Variants in UST observed in about 807,000 individuals in gnomAD.
UST encodes the protein uronyl 2-sulfotransferase.
A neutral mutation model predicts 45.6 loss-of-function variants in UST; 21 were observed. The observed-to-expected ratio is 0.46, with a 90% CI of 0.33 to 0.66. The LOEUF is 0.66. UST is among the 30% of genes least tolerant of loss of function. UST has a pLI of 0.02. For synonymous variants in UST, 215 were observed against 200.6 expected, an observed-to-expected ratio of 1.07 and a Z score of -0.61; for missense variants, 463 against 512.4, an observed-to-expected ratio of 0.90 and a Z score of 0.93.
At chr6:148,880,900 G>T (rs1778811776) in intron 1 of UST, among the ~76,000 whole-genome samples, 1 of 151,900 alleles carries the variant, frequency 6.6e-6, no homozygotes, top group African/African-American at 2.4e-5. Flanking sequence ...GTGGTGGTGG[G>T]CGCCTGTAAT....
intron 5 of UST, 140 bp from the exon 6 acceptor site, chr6:149,018,999 C>T (rs1245032094): frequency 1.4e-6 from 1 of 721,640 alleles, no homozygotes; most frequent in African/African-American, 1.8e-5. Context: ...AATAAGTTTT[C>T]TCATGAAATC....
chr6:148,883,646 A>G (rs1778862410), intron 1 of UST, among the ~76,000 whole-genome samples: 1 of 152,216 alleles, frequency 6.6e-6, no homozygotes, highest in Non-Finnish European at 1.5e-5. Context: ...CCTGGATACC[A>G]TCATTCTCTT....
At chr6:148,928,210 C>G (rs193209186) in intron 2 of UST, among the ~76,000 whole-genome samples, 3 of 152,288 alleles carry the variant, frequency 2.0e-5, no homozygotes, top group Admixed American at 2.0e-4. Flanking sequence ...GGCTCTTGCC[C>G]TCATTTTAAA....
intron 1 of UST, among the ~76,000 whole-genome samples, chr6:148,852,029 T>C (rs982862410): frequency 6.6e-6 from 1 of 152,228 alleles, no homozygotes. Context: ...CCGAGGATGA[T>C]GTCTGGGTAC....
chr6:148,806,732 T>C (rs1034576831), intron 1 of UST, among the ~76,000 whole-genome samples: 2 of 152,126 alleles, frequency 1.3e-5, no homozygotes, highest in Non-Finnish European at 2.9e-5. Flanking sequence ...AAGTCCGAGA[T>C]TGTGGGGCTG....
intron 3 of UST, among the ~76,000 whole-genome samples, chr6:148,945,284 A>G (rs1205619928): frequency 6.6e-6 from 1 of 152,208 alleles, no homozygotes; most frequent in Non-Finnish European, 1.5e-5. Flanking sequence ...CTTTCCAAAT[A>G]CATTGTAATG....
intron 1 of UST, among the ~76,000 whole-genome samples, chr6:148,749,485 C>A (rs1404895654): frequency 6.6e-6 from 1 of 152,112 alleles, no homozygotes; most frequent in South Asian, 2.1e-4. Flanking sequence ...CTCAAAGCAC[C>A]TGGCCTCGTG....
chr6:148,797,293 A>G (rs1395541109), intron 1 of UST, among the ~76,000 whole-genome samples: 2 of 152,194 alleles, frequency 1.3e-5, no homozygotes. Context: ...TGAACGAACA[A>G]AAACCAAACA....
chr6:148,983,214 A>G (rs1001450948), intron 5 of UST, among the ~76,000 whole-genome samples: 1 of 152,256 alleles, frequency 6.6e-6, no homozygotes, highest in African/African-American at 2.4e-5. Context: ...TAGCCTTATT[A>G]GTCCCTTTTT....
intron 5 of UST, among the ~76,000 whole-genome samples, chr6:148,991,136 A>T (rs1781343156): frequency 6.6e-6 from 1 of 152,210 alleles, no homozygotes; most frequent in South Asian, 2.1e-4. Context: ...GTCAAGAATC[A>T]AAAGTTTGTT....
At chr6:148,968,591 G>A (rs1780853740) in intron 5 of UST, among the ~76,000 whole-genome samples, 1 of 152,214 alleles carries the variant, frequency 6.6e-6, no homozygotes, top group Admixed American at 6.5e-5. Context: ...CCAGGGTAGG[G>A]AAATACCTGG....
intron 2 of UST, among the ~76,000 whole-genome samples, chr6:148,890,875 A>G (rs1217533311): frequency 6.6e-6 from 1 of 152,252 alleles, no homozygotes; most frequent in Non-Finnish European, 1.5e-5. Context: ...GCACTGACTA[A>G]GAATCACCAT....
chr6:148,750,742 T>A (rs1464381045), intron 1 of UST, among the ~76,000 whole-genome samples: 3 of 152,176 alleles, frequency 2.0e-5, no homozygotes, highest in African/African-American at 7.2e-5. Context: ...AGAAGGGAAA[T>A]AATTCAAGCA....
chr6:148,942,269 G>A (rs1780142355), intron 3 of UST, among the ~76,000 whole-genome samples: 1 of 152,012 alleles, frequency 6.6e-6, no homozygotes, highest in South Asian at 2.1e-4. Context: ...CTCACTATCA[G>A]GTTGAGATCA....
chr6:149,002,880 G>A (rs573591435), intron 5 of UST, among the ~76,000 whole-genome samples: 5 of 152,222 alleles, frequency 3.3e-5, no homozygotes, highest in African/African-American at 1.2e-4. Flanking sequence ...CTACCAAGAA[G>A]ATATTCTATA....
intron 2 of UST, among the ~76,000 whole-genome samples, chr6:148,912,441 C>T (rs1173735194): frequency 6.6e-6 from 1 of 152,232 alleles, no homozygotes; most frequent in Non-Finnish European, 1.5e-5. Flanking sequence ...AACCATGCTT[C>T]GTTAAAGTCT....
In UST at chr6:148,878,029, G is replaced by A. The variant is rs370047194; in HGVS notation, c.248-8957G>A. 7.9e-4 allele frequency among the ~76,000 whole-genome samples: 102 copies of A among 128,800 alleles called. 3 individuals carry two copies. The highest frequency in any genetic ancestry group is 3.0e-3 in the African/African-American group (96 of 32,230). 84.5% of individuals were successfully genotyped at this position (128,800 alleles called of 152,430 possible). On this transcript the variant is annotated intron_variant, in intron 1 of 7. Transcript: ENST00000367463. ...GAGTGTAGGGGTCATGTACGAGTGC[G>A]GAGATTGTGTATGAGTGGGGGGTTC... is the stretch of plus-strand genomic sequence containing the variant.
At chr6:149,042,439 C>T (rs184072298) in intron 7 of UST, among the ~76,000 whole-genome samples, 2 of 152,248 alleles carry the variant, frequency 1.3e-5, no homozygotes, top group Non-Finnish European at 2.9e-5. Flanking sequence ...TCTTGGCTGC[C>T]GTGGGATATG....
chr6:149,021,551 C>G (rs1775981944), intron 7 of UST, 70 bp downstream of exon 7: 1 of 1,540,408 alleles, frequency 6.5e-7, no homozygotes, highest in African/African-American at 1.4e-5. Context: ...CTTGAAAAGG[C>G]CTCAGGAAAT....
Sources: gnomAD v4.1 joint callset for allele counts (sites outside exome capture counted in the v4.1 genomes callset) on GRCh38, gnomAD v4.1.1 for gene constraint, MANE v1.5 for transcripts, NCBI Gene and HGNC (gene_info 2026-07-23, HGNC 2026-07-21) for gene names.